SKA1: variants seen among roughly 807,000 people sequenced by gnomAD.
SKA1 encodes the protein spindle and kinetochore associated complex subunit 1.
A neutral mutation model predicts 31.8 loss-of-function variants in SKA1; 20 were observed. The ratio of observed to expected loss-of-function variants is 0.63; its 90% CI spans 0.44 to 0.91. SKA1 has a LOEUF of 0.91. Ranked by LOEUF, SKA1 falls within the 40% of genes least tolerant of loss-of-function variation. The pLI is 0.00. For missense variants in SKA1, 253 were observed against 298.2 expected (o/e 0.85, Z 1.12); for synonymous variants, 88 against 100.5 (o/e 0.88, Z 0.74).
At chr18:50,382,274 GA>G in intron 4 of SKA1, 48 bp downstream of exon 4, 1 of 1,184,270 alleles carries the variant, frequency 8.4e-7, no homozygotes, top group Non-Finnish European at 1.2e-6. Context: ...ATAAACCCAT[GA>G]AAACAAGTTC....
At chr18:50,387,967 T>C (rs1291055438) in intron 5 of SKA1, among the ~76,000 whole-genome samples, 1 of 152,208 alleles carries the variant, frequency 6.6e-6, no homozygotes, top group Non-Finnish European at 1.5e-5. Context: ...CTGAAGTAAA[T>C]AGGCTTTTAG....
chr18:50,385,816 G>T (rs553206124), intron 5 of SKA1, among the ~76,000 whole-genome samples: 1 of 152,312 alleles, frequency 6.6e-6, no homozygotes, highest in East Asian at 1.9e-4. Flanking sequence ...CCCCAAAGAG[G>T]GGGGCGGGTC....
At chr18:50,390,927 A>G (rs1277910506) in intron 5 of SKA1, among the ~76,000 whole-genome samples, 197 bp from the exon 6 acceptor site, 1 of 152,222 alleles carries the variant, frequency 6.6e-6, no homozygotes, top group Admixed American at 6.5e-5. Flanking sequence ...TAATTAGAGA[A>G]GGTAAGCACC....
intron 3 of SKA1, among the ~76,000 whole-genome samples, chr18:50,381,562 G>A (rs1455818538): frequency 1.3e-5 from 2 of 152,004 alleles, no homozygotes; most frequent in African/African-American, 4.8e-5. Flanking sequence ...CTTTAGTCCT[G>A]CTTTGTAATT....
At chr18:50,379,574 C>G (rs1240272401) in intron 2 of SKA1, among the ~76,000 whole-genome samples, 1 of 152,188 alleles carries the variant, frequency 6.6e-6, no homozygotes, top group East Asian at 1.9e-4. Flanking sequence ...GAGTCCTAGC[C>G]TCGTTTGAGA....
rs1299165260 is a variant in SKA1, at chr18:50,385,383, C to T, written c.449+30C>T. 3 of 1,493,018 alleles carry T rather than the reference C, an allele frequency of 2.0e-6. No homozygotes were observed. The East Asian group carries it at 7.1e-5, about 36-fold the overall frequency. 92.5% of individuals were successfully genotyped at this position (1,493,018 alleles called of 1,614,324 possible). A position where few individuals can be genotyped will look rare whatever the true frequency, so the allele number is the denominator to read the frequency against. On this transcript the variant is annotated intron_variant, in intron 5 of 6. Transcript: ENST00000285116. ...GTATTTAAGATAAATAATGTTCAAC[C>T]CCTTAATAAACATAAATGATCGTTT...
intron 2 of SKA1, among the ~76,000 whole-genome samples, chr18:50,376,669 C>CATT (rs1256932620): frequency 6.6e-6 from 1 of 152,186 alleles, no homozygotes; most frequent in African/African-American, 2.4e-5. Flanking sequence ...TTCAATAATA[C>CATT]ATTAACCTTA....
chr18:50,375,972 TC>T, intron 2 of SKA1, 54 bp downstream of exon 2: 1 of 1,094,728 alleles, frequency 9.1e-7, no homozygotes. Flanking sequence ...TTTTGATTAT[TC>T]CACTCTGAAT....
chr18:50,377,970 T>C (rs1403502791), intron 2 of SKA1, among the ~76,000 whole-genome samples: 2 of 152,272 alleles, frequency 1.3e-5, no homozygotes, highest in East Asian at 1.9e-4. Context: ...ACTGAGACTC[T>C]CGGAAGTCAG....
intron 4 of SKA1, 61 bp downstream of exon 4, chr18:50,382,287 T>A: frequency 9.4e-7 from 1 of 1,062,178 alleles, no homozygotes; most frequent in Admixed American, 3.1e-5. Context: ...AACAAGTTCT[T>A]CAAAGCCTTT....
chr18:50,375,085 A>G lies in SKA1; in HGVS notation c.-121A>G, dbSNP rs1441719905. ...CGCTAGGGCGCGGCGGGCGGTTTGA[A>G]TTTTGCTTACAGAGTCCCGTCTCAC... is the stretch of plus-strand genomic sequence containing the variant. On this transcript the variant is annotated 5_prime_UTR_variant, in exon 1 of 7. Coordinates refer to ENST00000285116, the MANE Select transcript of SKA1 (RefSeq NM_145060.4). The G allele has an allele frequency of 6.6e-6, 1 of 152,362 alleles. No homozygotes were observed. Among genetic ancestry groups the G allele is most frequent in the East Asian group, 1.9e-4 (1 of 5,190 alleles). 9.4% of individuals were successfully genotyped at this position (152,362 alleles called of 1,614,324 possible).
At chr18:50,383,620 CA>C (rs2041279857) in intron 4 of SKA1, among the ~76,000 whole-genome samples, 1 of 152,236 alleles carries the variant, frequency 6.6e-6, no homozygotes, top group Non-Finnish European at 1.5e-5. Flanking sequence ...CTTTCTCAGC[CA>C]TTACCTGTCA....
chr18:50,377,354 T>C (rs1348524611), intron 2 of SKA1, among the ~76,000 whole-genome samples: 1 of 152,216 alleles, frequency 6.6e-6, no homozygotes, highest in Non-Finnish European at 1.5e-5. Flanking sequence ...ATCACTGTTA[T>C]GTGGCACATT....
chr18:50,380,248 A>G lies in SKA1; in HGVS notation c.211A>G (p.Lys71Glu), dbSNP rs2041252818. 6.5e-7 allele frequency: 1 copy of G among 1,541,450 alleles called. No homozygotes were observed. Among genetic ancestry groups the G allele is most frequent in the East Asian group, 2.5e-5 (1 of 40,238 alleles). Residue 71 changes from lysine (K) to glutamate (E), a missense_variant and splice_region_variant, in exon 3 of 7, where the codon AAG (lysine) becomes GAG (glutamate). Lys to Glu is a moderately conservative substitution (Grantham distance 56). Coordinates refer to ENST00000285116, the MANE Select transcript of SKA1 (RefSeq NM_145060.4). ...TCAAGAACAAACCAACAATTCACTCAAGGTAATGTTTCTCTAATGAGGAAG... is the reference window on the plus strand; with the variant it reads ...TCAAGAACAAACCAACAATTCACTCGAGGTAATGTTTCTCTAATGAGGAAG... The part of the protein sequence containing the change: ...QYQEQTNNSL[K>E]ELCESLEEDY...
chr18:50,383,422 A>T (rs935324881), intron 4 of SKA1, among the ~76,000 whole-genome samples: 2 of 151,560 alleles, frequency 1.3e-5, no homozygotes, highest in Non-Finnish European at 2.9e-5. Flanking sequence ...TTCTTACCCA[A>T]CTCCACTGTT....
At chr18:50,376,585 C>T (rs1387386046) in intron 2 of SKA1, among the ~76,000 whole-genome samples, 1 of 152,134 alleles carries the variant, frequency 6.6e-6, no homozygotes, top group Admixed American at 6.5e-5. Flanking sequence ...TAGGACATCA[C>T]TGTATACTAC....
intron 4 of SKA1, among the ~76,000 whole-genome samples, chr18:50,384,550 G>A (rs746069837): frequency 3.9e-5 from 6 of 152,066 alleles, no homozygotes; most frequent in Non-Finnish European, 5.9e-5. Context: ...ACTGACATGA[G>A]CAACCATCAG....
intron 6 of SKA1, 59 bp downstream of exon 6, chr18:50,391,352 G>A (rs1002159077): frequency 3.0e-6 from 4 of 1,330,618 alleles, no homozygotes; most frequent in Admixed American, 2.9e-5. Flanking sequence ...ACTAAATCAC[G>A]AGAAATGTAG....
In SKA1 at chr18:50,391,228, C is replaced by G; in HGVS notation, c.554C>G (p.Ser185Cys). Residue 185 changes from serine to cysteine, a missense_variant, in exon 6 of 7, where the codon TCT becomes TGT. Transcript: ENST00000285116. ...AAAATCCTACATCAGCCAAAAAAGT[C>G]TATGAATTCTGTGACCAGAAATCTC... ...KYKILHQPKK[S>C]MNSVTRNLYH... The G allele has an allele frequency of 6.2e-7, 1 of 1,605,426 alleles. No homozygotes were observed.
Sources: gnomAD v4.1 joint callset for allele counts (sites outside exome capture counted in the v4.1 genomes callset) on GRCh38, gnomAD v4.1.1 for gene constraint, MANE v1.5 for transcripts, NCBI Gene and HGNC (gene_info 2026-07-23, HGNC 2026-07-21) for gene names.